DYSF: variants seen among roughly 807,000 people sequenced by gnomAD.
The protein encoded by DYSF is dystrophy-associated fer-1-like 1.
A neutral mutation model predicts 274.9 loss-of-function variants in DYSF; 212 were observed. The ratio of observed to expected loss-of-function variants is 0.77; its 90% confidence interval spans 0.69 to 0.86. The LOEUF (loss-of-function observed/expected upper bound fraction) is 0.86, where lower values mean the gene tolerates loss of function less well. DYSF is among the 40% of genes least tolerant of loss of function. The pLI is 0.00. For missense variants in DYSF, 2,666 were observed against 2,783.2 expected, an observed-to-expected ratio of 0.96 and a Z score of 0.95; for synonymous variants, 1,091 against 1,078.7, an observed-to-expected ratio of 1.01 and a Z score of -0.22.
At chr2:71,466,564 C>T (rs1447221741), upstream of DYSF, 4 of 1,025,916 alleles carry the variant, frequency 3.9e-6, no homozygotes, top group East Asian at 1.6e-4. Context: ...GGACCAGCAC[C>T]CCCACAGGCG....
In DYSF at chr2:71,558,753, G is replaced by A. The variant is rs78842371; in HGVS notation, c.2216+2682G>A. ...GCTGGGCCTCCCAGCAGGGAGGCTGGTTCCAGCTCAGGAGCTTGGGAGGGG... is the reference window on the plus strand; with the variant it reads ...GCTGGGCCTCCCAGCAGGGAGGCTGATTCCAGCTCAGGAGCTTGGGAGGGG... On this transcript the variant is annotated intron_variant, in intron 22 of 55. Transcript: ENST00000410020. 3.3e-3 allele frequency among the ~76,000 whole-genome samples: 504 copies of A among 152,260 alleles called. 4 individuals are homozygous for A. The highest frequency in any genetic ancestry group is 0.012 in the African/African-American group (478 of 41,564).
intron 3 of DYSF, among the ~76,000 whole-genome samples, chr2:71,485,904 C>T (rs1314603257): frequency 6.6e-6 from 1 of 152,146 alleles, no homozygotes; most frequent in Non-Finnish European, 1.5e-5. Context: ...ACCTCCGCCT[C>T]CTGGGTTCAA....
intron 45 of DYSF, among the ~76,000 whole-genome samples, chr2:71,663,261 G>C (rs1250589739): frequency 6.6e-6 from 1 of 152,210 alleles, no homozygotes; most frequent in Non-Finnish European, 1.5e-5. Flanking sequence ...GTGCTTTCCA[G>C]AGGTTCCTCA....
chr2:71,662,870 GTA>G (rs1219536840), intron 45 of DYSF, among the ~76,000 whole-genome samples: 6 of 64,986 alleles, frequency 9.2e-5, no homozygotes, highest in East Asian at 4.8e-4. Flanking sequence ...CTGTGTCCAT[GTA>G]TGTGTGTGTG....
chr2:71,608,791 G>T (rs1242682785), intron 36 of DYSF, among the ~76,000 whole-genome samples: 1 of 152,194 alleles, frequency 6.6e-6, no homozygotes, highest in African/African-American at 2.4e-5. Context: ...ACTGCCCAGC[G>T]TTTGGGGGCC....
rs2095046220 is a variant in DYSF, at chr2:71,667,908, G to A, written c.5457+393G>A. Among the ~76,000 whole-genome samples the A allele has an allele frequency of 1.3e-5, 2 of 152,160 alleles. 1 individual carries two copies. The highest frequency in any genetic ancestry group is 4.2e-4 in the South Asian group (2 of 4,816). ...CCTGTGCTGGGTGGCTGTGGGGTAT[G>A]CAGCCAGGGTGGCCCTGGCATCCTA... is the stretch of plus-strand genomic sequence containing the variant. On this transcript the variant is annotated intron_variant, in intron 48 of 55. Transcript: ENST00000410020.
intron 40 of DYSF, among the ~76,000 whole-genome samples, chr2:71,617,697 CGT>C (rs1195426644): frequency 4.0e-4 from 4 of 10,084 alleles, no homozygotes; most frequent in Admixed American, 1.9e-3. Flanking sequence ...GGGGTGTGTG[CGT>C]GTGTGGTAGA....
rs778316824 is a variant in DYSF at position 71,570,316 on chromosome 2, C to A, written c.3067C>A (p.Arg1023=). The A allele has an allele frequency of 6.2e-7, 1 of 1,614,074 alleles. No individual in the cohort carries two copies. The highest frequency in any genetic ancestry group is 2.2e-5 in the East Asian group (1 of 44,874). ...EDEEWSTDLN[R]AVDEQGWEYS... ...TGAGGAATGGTCCACAGACCTCAAC[C>A]GGGCTGTCGATGAGCAAGGTGGGCA... is the stretch of plus-strand genomic sequence containing the variant. The change falls in exon 28 of 56, where the codon CGG becomes AGG. Residue 1023 remains arginine, a synonymous_variant. Coordinates refer to ENST00000410020, the MANE Select transcript of DYSF (RefSeq NM_001130987.2).
chr2:71,646,898 C>G (rs1419520591), intron 42 of DYSF, among the ~76,000 whole-genome samples: 6 of 151,864 alleles, frequency 4.0e-5, no homozygotes, highest in Non-Finnish European at 1.5e-5. Context: ...AATATTTTAG[C>G]AAACAAGGTA....
rs779946313 is a variant in DYSF at position 71,553,000 on chromosome 2, T to C, written c.1807-11T>C. 6.2e-7 allele frequency: 1 copy of C among 1,614,150 alleles called. No individual in the cohort carries two copies. The highest frequency in any genetic ancestry group is 2.2e-5 in the East Asian group (1 of 44,880). ...CCTCCCGTGACCCTCTGGTCTACTC[T>C]CTGCTCTCAGAAGTACCTTAGGAGG... On this transcript the variant is annotated splice_polypyrimidine_tract_variant and intron_variant, in intron 19 of 55. Coordinates refer to ENST00000410020, the MANE Select transcript of DYSF (RefSeq NM_001130987.2).
intron 17 of DYSF, among the ~76,000 whole-genome samples, chr2:71,549,630 T>C (rs988034650): frequency 6.8e-6 from 1 of 146,012 alleles, no homozygotes; most frequent in Admixed American, 6.9e-5. Context: ...CCTTCCTAAA[T>C]GGGATAGGCT....
intron 43 of DYSF, among the ~76,000 whole-genome samples, chr2:71,657,368 C>T (rs201574070): frequency 3.9e-5 from 6 of 152,102 alleles, no homozygotes; most frequent in Non-Finnish European, 5.9e-5. Context: ...CACAGGCTGG[C>T]GTTGAGTGTC....
intron 41 of DYSF, among the ~76,000 whole-genome samples, chr2:71,636,850 C>T (rs1442478879): frequency 6.6e-6 from 1 of 152,134 alleles, no homozygotes; most frequent in Non-Finnish European, 1.5e-5. Flanking sequence ...GAAGACTGAG[C>T]AGGTGTGGCC....
chr2:71,558,418 C>T (rs955201604), intron 22 of DYSF, among the ~76,000 whole-genome samples: 1 of 152,198 alleles, frequency 6.6e-6, no homozygotes, highest in Non-Finnish European at 1.5e-5. Context: ...GTGGTGGCTA[C>T]AGCCACTGGG....
At chr2:71,552,541 A>T (rs1284432893) in intron 19 of DYSF, among the ~76,000 whole-genome samples, 1 of 152,198 alleles carries the variant, frequency 6.6e-6, no homozygotes, top group Non-Finnish European at 1.5e-5. Context: ...CTTTCATCCC[A>T]GGCACATGAC....
intron 1 of DYSF, among the ~76,000 whole-genome samples, chr2:71,455,441 T>C (rs2081020428): frequency 6.6e-6 from 1 of 152,192 alleles, no homozygotes; most frequent in Non-Finnish European, 1.5e-5. Context: ...ACGTGCTGCT[T>C]TGATCTGCTC....
chr2:71,589,219 C>T (rs1462854578), intron 30 of DYSF, among the ~76,000 whole-genome samples: 1 of 152,176 alleles, frequency 6.6e-6, no homozygotes, highest in Non-Finnish European at 1.5e-5. Flanking sequence ...AGATGCTAGC[C>T]TGGAACCTCC....
At chr2:71,565,447 C>T (rs1246344350) in intron 24 of DYSF, among the ~76,000 whole-genome samples, 4 of 152,108 alleles carry the variant, frequency 2.6e-5, no homozygotes, top group African/African-American at 9.7e-5. Context: ...GACTCCTCAG[C>T]CTAAGGCACC....
intron 42 of DYSF, among the ~76,000 whole-genome samples, chr2:71,651,247 A>T (rs1350023022): frequency 6.6e-6 from 1 of 152,188 alleles, no homozygotes; most frequent in Non-Finnish European, 1.5e-5. Flanking sequence ...AAAATCAAAT[A>T]ATTGGCACTT....
Sources: gnomAD v4.1 joint callset for allele counts (sites outside exome capture counted in the v4.1 genomes callset) on GRCh38, gnomAD v4.1.1 for gene constraint, MANE v1.5 for transcripts, NCBI Gene and HGNC (gene_info 2026-07-23, HGNC 2026-07-21) for gene names.